SRPK2: variants seen among roughly 807,000 people sequenced by gnomAD.
SRPK2 encodes SFRS protein kinase 2.
A neutral mutation model predicts 90.8 loss-of-function variants in SRPK2; 21 were observed. The observed-to-expected ratio is 0.23, with a 90% CI of 0.16 to 0.33. The LOEUF (loss-of-function observed/expected upper bound fraction) is 0.33, where lower values mean the gene tolerates loss of function less well. Ranked by LOEUF, SRPK2 falls within the 10% of genes least tolerant of loss-of-function variation. The pLI is 1.00. For missense variants in SRPK2, 620 were observed against 869.0 expected, an observed-to-expected ratio of 0.71 and a Z score of 3.60; for synonymous variants, 288 against 311.1, an observed-to-expected ratio of 0.93 and a Z score of 0.78.
At chr7:105,382,167 CA>C (rs35969051) in intron 2 of SRPK2, among the ~76,000 whole-genome samples, 143,617 of 151,190 alleles carry the variant, frequency 0.95, 68,644 homozygotes, top group East Asian at 1. Context: ...GATGCCATCT[CA>C]AAAAAAAAAG....
intron 2 of SRPK2, among the ~76,000 whole-genome samples, chr7:105,259,473 G>C (rs1292870203): frequency 6.6e-6 from 1 of 152,134 alleles, no homozygotes; most frequent in African/African-American, 2.4e-5. Context: ...GTAATTTACA[G>C]ATTCAATGCC....
chr7:105,167,407 C>T lies in SRPK2; in HGVS notation c.484G>A (p.Asp162Asn), dbSNP rs771749466. 2 of 1,613,670 alleles carry T rather than the reference C, an allele frequency of 1.2e-6. No individual in the cohort carries two copies. The highest frequency in any genetic ancestry group is 1.7e-6 in the Non-Finnish European group (2 of 1,179,728). ...CCATTCATGCCTGAAATCTTGAAGT[C>T]GTCAATGAGCTGGACCACCATGTCT... ...NKDMVVQLID[D>N]FKISGMNGIH... Residue 162 changes from aspartate to asparagine, a missense_variant, in exon 6 of 16, where the codon GAC (aspartate) becomes AAC (asparagine). By Grantham distance (23) the Asp-to-Asn change is conservative. Transcript: ENST00000393651.
intron 2 of SRPK2, among the ~76,000 whole-genome samples, chr7:105,251,717 T>C (rs1386081570): frequency 6.6e-6 from 1 of 152,266 alleles, no homozygotes; most frequent in Non-Finnish European, 1.5e-5. Flanking sequence ...CCTTTTTGCA[T>C]ACTGGGCCCA....
chr7:105,277,743 A>G (rs1056631817), intron 2 of SRPK2, among the ~76,000 whole-genome samples: 2 of 152,178 alleles, frequency 1.3e-5, no homozygotes, highest in Admixed American at 1.3e-4. Context: ...ACTATCCCCA[A>G]TTATCACTAA....
chr7:105,167,923 A>C (rs1235264017), intron 5 of SRPK2, 85 bp downstream of exon 5: 1 of 1,191,568 alleles, frequency 8.4e-7, no homozygotes, highest in Non-Finnish European at 1.2e-6. Flanking sequence ...ACTTGACTTT[A>C]ATTTAGTATT....
chr7:105,324,357 C>G (rs1384169325), intron 2 of SRPK2, among the ~76,000 whole-genome samples: 1 of 147,234 alleles, frequency 6.8e-6, no homozygotes, highest in African/African-American at 2.5e-5. Flanking sequence ...GAGTCTCGCC[C>G]TGTCGCCCAG....
intron 2 of SRPK2, among the ~76,000 whole-genome samples, chr7:105,299,448 A>G (rs1810256163): frequency 6.6e-6 from 1 of 152,240 alleles, no homozygotes; most frequent in African/African-American, 2.4e-5. Flanking sequence ...AAGCTAACAC[A>G]TATATTGCTA....
chr7:105,301,502 GC>G, intron 2 of SRPK2: 2 of 1,277,532 alleles, frequency 1.6e-6, no homozygotes, highest in Non-Finnish European at 1.1e-6. Context: ...CTCAGGAGGC[GC>G]CCCGCAACCG....
At chr7:105,166,999 C>A (rs1790153264) in intron 6 of SRPK2, among the ~76,000 whole-genome samples, 1 of 152,146 alleles carries the variant, frequency 6.6e-6, no homozygotes, top group Non-Finnish European at 1.5e-5. Context: ...TGCTTTGCAG[C>A]CACTGGGGCA....
intron 2 of SRPK2, among the ~76,000 whole-genome samples, chr7:105,325,598 C>A (rs942769925): frequency 3.4e-5 from 5 of 149,190 alleles, no homozygotes; most frequent in African/African-American, 1.2e-4. Context: ...TGGCTCACAC[C>A]TGTAATCTAA....
In SRPK2 at chr7:105,349,522, C is replaced by CAAAAA. The variant is rs572686995; in HGVS notation, c.71+39121_71+39125dup. Among the ~76,000 whole-genome samples the CAAAAA allele has an allele frequency of 3.0e-3, 269 of 88,928 alleles. 4 individuals carry two copies. The East Asian group carries it at 0.049, about 16-fold the overall frequency. The allele number at this position is 88,928 out of a possible 152,430, so 58.3% of individuals were successfully genotyped here. A position where few individuals can be genotyped will look rare whatever the true frequency, so the allele number is the denominator to read the frequency against. ...GGGCAACAAGAGTGAAACTCCATCT[C>CAAAAA]AAAAAAAAAAAAAAAAGAATTAGGA... is the stretch of plus-strand genomic sequence containing the variant. On this transcript the variant is annotated intron_variant, in intron 2 of 15. Coordinates refer to ENST00000393651, the MANE Select transcript of SRPK2 (RefSeq NM_182692.3).
intron 15 of SRPK2, among the ~76,000 whole-genome samples, chr7:105,120,901 C>A (rs1305946753): frequency 6.6e-6 from 1 of 152,158 alleles, no homozygotes; most frequent in African/African-American, 2.4e-5. Flanking sequence ...GTCTCGAGTC[C>A]ATGAGCCAGC....
intron 2 of SRPK2, among the ~76,000 whole-genome samples, chr7:105,248,793 A>G (rs1168351797): frequency 6.6e-6 from 1 of 151,862 alleles, no homozygotes; most frequent in Non-Finnish European, 1.5e-5. Flanking sequence ...ATACAAAAAA[A>G]AATTAGCCGG....
intron 2 of SRPK2, chr7:105,268,797 T>C (rs1374151015): frequency 1.9e-6 from 3 of 1,595,470 alleles, no homozygotes; most frequent in African/African-American, 1.3e-5. Context: ...GCAAGAGATG[T>C]AGCTGTACCT....
chr7:105,347,549 G>T (rs1206455057), intron 2 of SRPK2, among the ~76,000 whole-genome samples: 1 of 152,052 alleles, frequency 6.6e-6, no homozygotes, highest in Non-Finnish European at 1.5e-5. Context: ...ATGAGGGGGA[G>T]GGGGAGGAGG....
intron 2 of SRPK2, among the ~76,000 whole-genome samples, chr7:105,279,820 ACT>A (rs1807021468): frequency 6.6e-6 from 1 of 152,184 alleles, no homozygotes; most frequent in African/African-American, 2.4e-5. Context: ...TTTTACCCTG[ACT>A]CTGTCAAGTA....
At chr7:105,218,093 G>T (rs1459351491) in intron 2 of SRPK2, among the ~76,000 whole-genome samples, 5 of 152,210 alleles carry the variant, frequency 3.3e-5, no homozygotes, top group Non-Finnish European at 2.9e-5. Context: ...GGCCTGAGCA[G>T]GAGAAGGTAT....
intron 2 of SRPK2, among the ~76,000 whole-genome samples, chr7:105,349,329 C>T (rs1447298068): frequency 6.6e-6 from 1 of 151,900 alleles, no homozygotes; most frequent in African/African-American, 2.4e-5. Context: ...TCAAGACCAG[C>T]CCGACCAACA....
At chr7:105,389,949 A>G (rs759020140), upstream of SRPK2, among the ~76,000 whole-genome samples, 16 of 152,226 alleles carry the variant, frequency 1.1e-4, no homozygotes, top group Non-Finnish European at 2.2e-4. Flanking sequence ...GATTTTGAAG[A>G]GTCCTTAACT....
Sources: gnomAD v4.1 joint callset for allele counts (sites outside exome capture counted in the v4.1 genomes callset) on GRCh38, gnomAD v4.1.1 for gene constraint, MANE v1.5 for transcripts, NCBI Gene and HGNC (gene_info 2026-07-23, HGNC 2026-07-21) for gene names.